The following SPON1 variants were observed in gnomAD, a reference collection of about 807,000 sequenced individuals.
The protein encoded by SPON1 is spondin-1.
SPON1 carries 52 observed loss-of-function variants against 111.7 expected under a neutral mutation model. The observed-to-expected ratio is 0.47, with a 90% CI of 0.37 to 0.59. The LOEUF (loss-of-function observed/expected upper bound fraction) is 0.59, where lower values mean the gene tolerates loss of function less well. SPON1 is among the 20% of genes least tolerant of loss of function. SPON1 has a pLI of 0.00. For missense variants in SPON1, 957 were observed against 1,068.5 expected (o/e 0.90, Z 1.46); for synonymous variants, 410 against 395.8 (o/e 1.04, Z -0.43).
intron 6 of SPON1, among the ~76,000 whole-genome samples, chr11:14,212,465 T>C (rs1008038252): frequency 8.5e-5 from 13 of 152,212 alleles, no homozygotes; most frequent in African/African-American, 2.9e-4. Flanking sequence ...AGACATAGTA[T>C]TCCATATAAG....
rs150608005 is a variant in SPON1 at position 14,142,213 on chromosome 11, A to G, written c.825+6645A>G. 2.4e-4 allele frequency among the ~76,000 whole-genome samples: 37 copies of G among 152,330 alleles called. 1 individual carries two copies. Among genetic ancestry groups the G allele is most frequent in the Non-Finnish European group, 4.9e-4 (33 of 68,040 alleles). On this transcript the variant is annotated intron_variant, in intron 6 of 15. Coordinates refer to ENST00000576479, the MANE Select transcript of SPON1 (RefSeq NM_006108.4). ...AGAAAGAGATTGCTGGATGTTAGCT[A>G]TCATTACCATGTTTTCATTCTTCAG...
intron 3 of SPON1, among the ~76,000 whole-genome samples, chr11:14,047,581 A>C (rs1848677818): frequency 6.6e-6 from 1 of 152,226 alleles, no homozygotes; most frequent in Non-Finnish European, 1.5e-5. Flanking sequence ...CAAATTAAAC[A>C]TGGTAAGAGT....
chr11:14,088,950 G>A (rs1490752423), intron 5 of SPON1, among the ~76,000 whole-genome samples: 2 of 151,684 alleles, frequency 1.3e-5, no homozygotes, highest in Non-Finnish European at 2.9e-5. Flanking sequence ...GCCTCAGGAA[G>A]TTCTCATGCT....
At chr11:14,039,623 G>A (rs564907627) in intron 2 of SPON1, among the ~76,000 whole-genome samples, 67 of 152,186 alleles carry the variant, frequency 4.4e-4, no homozygotes, top group Admixed American at 4.1e-3. Context: ...ATGTGAAAGG[G>A]AAAATTATAA....
At chr11:14,243,263 C>T (rs1848948850) in intron 6 of SPON1, 69 bp from the exon 7 acceptor site, 5 of 1,429,612 alleles carry the variant, frequency 3.5e-6, no homozygotes, top group African/African-American at 1.4e-5. Context: ...ATGGTGTCAC[C>T]AGGTCAAAGC....
chr11:14,058,193 G>A (rs782493077), intron 3 of SPON1, among the ~76,000 whole-genome samples: 1 of 152,154 alleles, frequency 6.6e-6, no homozygotes, highest in Non-Finnish European at 1.5e-5. Context: ...AGGCAGGCAA[G>A]GACTTGCCAG....
chr11:14,120,376 C>A (rs547864738), intron 5 of SPON1, among the ~76,000 whole-genome samples: 1 of 152,184 alleles, frequency 6.6e-6, no homozygotes, highest in South Asian at 2.1e-4. Context: ...TGCCCATATA[C>A]CTCCCAGTCT....
chr11:14,160,406 T>C, intron 6 of SPON1, among the ~76,000 whole-genome samples: 5 of 60,316 alleles, frequency 8.3e-5, no homozygotes, highest in African/African-American at 2.4e-4. Flanking sequence ...TATATATTTA[T>C]ATATATATAT....
chr11:14,128,029 C>T (rs11601927), intron 5 of SPON1, among the ~76,000 whole-genome samples: 1 of 152,184 alleles, frequency 6.6e-6, no homozygotes, highest in Non-Finnish European at 1.5e-5. Context: ...GTCCCTCCCT[C>T]GACATGTGGG....
intron 6 of SPON1, among the ~76,000 whole-genome samples, chr11:14,183,035 A>G (rs957489820): frequency 6.6e-6 from 1 of 152,244 alleles, no homozygotes; most frequent in South Asian, 2.1e-4. Flanking sequence ...AAATTGCAAA[A>G]TCTTATCCAT....
chr11:14,245,551 C>A (rs1848980291), intron 7 of SPON1, among the ~76,000 whole-genome samples: 1 of 152,174 alleles, frequency 6.6e-6, no homozygotes, highest in Admixed American at 6.5e-5. Context: ...CCCTCTCCTG[C>A]TGTGTGGAGG....
chr11:14,057,008 A>G (rs1591363468), intron 3 of SPON1, among the ~76,000 whole-genome samples: 1 of 152,200 alleles, frequency 6.6e-6, no homozygotes, highest in African/African-American at 2.4e-5. Context: ...ATTACAACCC[A>G]TTAAATAAAA....
intron 5 of SPON1, among the ~76,000 whole-genome samples, chr11:14,119,027 T>C: frequency 6.6e-6 from 1 of 152,282 alleles, no homozygotes; most frequent in East Asian, 1.9e-4. Context: ...ACAATGACAA[T>C]GAAGACAACA....
At chr11:14,032,264 T>G (rs1554916152) in intron 2 of SPON1, among the ~76,000 whole-genome samples, 3 of 152,230 alleles carry the variant, frequency 2.0e-5, no homozygotes, top group Non-Finnish European at 2.9e-5. Context: ...ACCAAAATAT[T>G]AATAACTATC....
intron 6 of SPON1, among the ~76,000 whole-genome samples, chr11:14,216,925 CATAAAT>C (rs1848631766): frequency 1.3e-5 from 2 of 152,308 alleles, no homozygotes; most frequent in South Asian, 4.1e-4. Flanking sequence ...GTTTAGCAAT[CATAAAT>C]ATAAAGCAGC....
chr11:14,091,035 C>T (rs1175995979), intron 5 of SPON1, among the ~76,000 whole-genome samples: 19 of 152,162 alleles, frequency 1.2e-4, no homozygotes, highest in African/African-American at 4.1e-4. Flanking sequence ...GATTGGTGCA[C>T]TCACAAACCT....
chr11:14,014,305 G>A (rs1848428441), intron 2 of SPON1, among the ~76,000 whole-genome samples: 1 of 152,188 alleles, frequency 6.6e-6, no homozygotes, highest in South Asian at 2.1e-4. Context: ...ACCAAGGAGG[G>A]TGACCACAGC....
chr11:14,197,582 C>A (rs531974754), intron 6 of SPON1, among the ~76,000 whole-genome samples: 2 of 151,044 alleles, frequency 1.3e-5, no homozygotes, highest in East Asian at 3.9e-4. Flanking sequence ...GGGGCAGTAT[C>A]ACCTGAGGTC....
intron 6 of SPON1, among the ~76,000 whole-genome samples, chr11:14,242,833 C>G (rs1196148787): frequency 6.6e-6 from 1 of 152,222 alleles, no homozygotes; most frequent in African/African-American, 2.4e-5. Flanking sequence ...GTGCTGGCCT[C>G]CTCGTCCAAG....
Sources: gnomAD v4.1 joint callset for allele counts (sites outside exome capture counted in the v4.1 genomes callset) on GRCh38, gnomAD v4.1.1 for gene constraint, MANE v1.5 for transcripts, NCBI Gene and HGNC (gene_info 2026-07-23, HGNC 2026-07-21) for gene names.